TMEM132D: variants seen among roughly 807,000 people sequenced by gnomAD.
TMEM132D encodes the protein mature OL transmembrane protein.
A neutral mutation model predicts 62.3 loss-of-function variants in TMEM132D; 21 were observed. The ratio of observed to expected loss-of-function variants is 0.34; its 90% CI spans 0.24 to 0.49. The LOEUF (loss-of-function observed/expected upper bound fraction) is 0.49, where lower values mean the gene tolerates loss of function less well. TMEM132D is among the 20% of genes least tolerant of loss of function. The pLI is 0.99. For missense variants in TMEM132D, 1,346 were observed against 1,402.8 expected, an observed-to-expected ratio of 0.96 and a Z score of 0.65; for synonymous variants, 621 against 575.6, an observed-to-expected ratio of 1.08 and a Z score of -1.13.
intron 2 of TMEM132D, among the ~76,000 whole-genome samples, chr12:129,535,770 T>TTGTGTGTGTG (rs112963742): frequency 2.4e-5 from 3 of 122,882 alleles, no homozygotes; most frequent in African/African-American, 9.0e-5. Context: ...CATTTAAGAT[T>TTGTGTGTGTG]TGTGTGCGTG....
intron 3 of TMEM132D, among the ~76,000 whole-genome samples, chr12:129,392,960 C>T (rs11060310): frequency 0.043 from 6,473 of 152,280 alleles, 537 homozygotes; most frequent in East Asian, 0.36. Flanking sequence ...ATGCATCCCA[C>T]CTGGAGAGAG....
chr12:129,092,397 G>A (rs933490501), intron 5 of TMEM132D, among the ~76,000 whole-genome samples: 3 of 149,704 alleles, frequency 2.0e-5, no homozygotes, highest in Non-Finnish European at 4.4e-5. Context: ...ACATCCTACA[G>A]GAATGCTTGC....
chr12:129,681,084 G>A (rs1880765321), intron 2 of TMEM132D, among the ~76,000 whole-genome samples: 1 of 152,170 alleles, frequency 6.6e-6, no homozygotes, highest in African/African-American at 2.4e-5. Context: ...GATTGCAGAG[G>A]TGTACTCAGT....
intron 2 of TMEM132D, among the ~76,000 whole-genome samples, chr12:129,574,459 C>T (rs553645792): frequency 6.6e-5 from 10 of 152,066 alleles, no homozygotes; most frequent in African/African-American, 2.4e-4. Flanking sequence ...GCATCCTATG[C>T]ACTAGAATTT....
chr12:129,150,426 AC>A (rs1423476196), intron 5 of TMEM132D, among the ~76,000 whole-genome samples: 5 of 152,146 alleles, frequency 3.3e-5, no homozygotes, highest in Non-Finnish European at 5.9e-5. Context: ...TGTTTTTATT[AC>A]TTTTCATAAA....
At chr12:129,754,778 G>A (rs576245578) in intron 1 of TMEM132D, among the ~76,000 whole-genome samples, 169 of 152,242 alleles carry the variant, frequency 1.1e-3, no homozygotes, top group African/African-American at 3.8e-3. Context: ...AAGAGACAGC[G>A]ATTTTGCCTT....
At chr12:129,524,957 C>T (rs11060398) in intron 3 of TMEM132D, among the ~76,000 whole-genome samples, 19,018 of 105,464 alleles carry the variant, frequency 0.18, 1,864 homozygotes, top group Non-Finnish European at 0.22. Flanking sequence ...GACGGAGTCT[C>T]GCTCTGTCGC....
At chr12:129,167,270 C>T (rs1310836656) in intron 5 of TMEM132D, among the ~76,000 whole-genome samples, 3 of 152,054 alleles carry the variant, frequency 2.0e-5, no homozygotes, top group Admixed American at 6.5e-5. Flanking sequence ...CTCACCATCT[C>T]GCAGCAGGTG....
At chr12:129,353,032 G>T (rs964610653) in intron 3 of TMEM132D, among the ~76,000 whole-genome samples, 6 of 152,052 alleles carry the variant, frequency 3.9e-5, no homozygotes, top group Non-Finnish European at 7.4e-5. Context: ...ACCCTCTCTT[G>T]GGGTCTGGAT....
At chr12:129,763,165 C>A (rs907867022) in intron 1 of TMEM132D, among the ~76,000 whole-genome samples, 1 of 152,170 alleles carries the variant, frequency 6.6e-6, no homozygotes, top group African/African-American at 2.4e-5. Flanking sequence ...GCAGCCTTGA[C>A]CTCCTGGGCT....
At chr12:129,776,530 A>G (rs1870929436) in intron 1 of TMEM132D, among the ~76,000 whole-genome samples, 1 of 152,132 alleles carries the variant, frequency 6.6e-6, no homozygotes, top group African/African-American at 2.4e-5. Flanking sequence ...ACTAGTAAAA[A>G]GGAAAAAGCC....
At chr12:129,443,229 A>G (rs1872990715) in intron 3 of TMEM132D, among the ~76,000 whole-genome samples, 1 of 152,118 alleles carries the variant, frequency 6.6e-6, no homozygotes, top group South Asian at 2.1e-4. Flanking sequence ...TCCATCTCAG[A>G]GCCTGCTTCC....
chr12:129,176,857 T>G (rs1877921091), intron 5 of TMEM132D, among the ~76,000 whole-genome samples: 1 of 152,188 alleles, frequency 6.6e-6, no homozygotes, highest in South Asian at 2.1e-4. Flanking sequence ...TGACAGCTGT[T>G]AAGAAGTAAA....
rs115264849 is a variant in TMEM132D, at chr12:129,156,459, T to C, written c.1443+53061A>G. On this transcript the variant is annotated intron_variant, in intron 5 of 8. Coordinates refer to ENST00000422113, the MANE Select transcript of TMEM132D (RefSeq NM_133448.3). ...TGAGATAACTAACCCATTCCCATGA[T>C]AACTAGTCAATTCCTGAGATAGCTA... 6.0e-3 allele frequency among the ~76,000 whole-genome samples: 907 copies of C among 152,286 alleles called. 8 individuals are homozygous for C. The highest frequency in any genetic ancestry group is 0.021 in the African/African-American group (864 of 41,548).
chr12:129,654,197 T>C (rs1880006484), intron 2 of TMEM132D, among the ~76,000 whole-genome samples: 1 of 152,136 alleles, frequency 6.6e-6, no homozygotes, highest in Non-Finnish European at 1.5e-5. Flanking sequence ...CACTGGGAGC[T>C]CTTTCCCTTG....
chr12:129,096,626 A>C (rs1875125391), intron 5 of TMEM132D, among the ~76,000 whole-genome samples: 1 of 152,148 alleles, frequency 6.6e-6, no homozygotes, highest in Non-Finnish European at 1.5e-5. Context: ...GCCTGCTACC[A>C]GCACTCCTTG....
intron 3 of TMEM132D, among the ~76,000 whole-genome samples, chr12:129,359,230 T>C (rs915559954): frequency 3.3e-5 from 5 of 152,032 alleles, no homozygotes; most frequent in Non-Finnish European, 7.4e-5. Flanking sequence ...GGCCAATCCA[T>C]AGAGACAGAA....
At chr12:129,182,597 T>G (rs2135551806) in intron 5 of TMEM132D, among the ~76,000 whole-genome samples, 1 of 152,344 alleles carries the variant, frequency 6.6e-6, no homozygotes, top group East Asian at 1.9e-4. Flanking sequence ...GTGAAGGCCC[T>G]GGACTAACTG....
intron 1 of TMEM132D, among the ~76,000 whole-genome samples, chr12:129,797,877 G>C (rs928548245): frequency 4.6e-5 from 7 of 152,212 alleles, no homozygotes; most frequent in Admixed American, 2.6e-4. Flanking sequence ...CCTTGGTATA[G>C]TTGTTCCCTC....
Sources: gnomAD v4.1 joint callset for allele counts (sites outside exome capture counted in the v4.1 genomes callset) on GRCh38, gnomAD v4.1.1 for gene constraint, MANE v1.5 for transcripts, NCBI Gene and HGNC (gene_info 2026-07-23, HGNC 2026-07-21) for gene names.